The following GLIS3 variants were observed in gnomAD, a reference collection of about 807,000 sequenced individuals.
The protein encoded by GLIS3 is GLIS family zinc finger 3, also known as zinc finger protein GLIS3.
GLIS3 carries 53 observed loss-of-function variants against 78.6 expected under a neutral mutation model. The observed-to-expected ratio is 0.67, with a 90% CI of 0.54 to 0.85. The LOEUF (loss-of-function observed/expected upper bound fraction) is 0.85. Ranked by LOEUF, GLIS3 falls within the 40% of genes least tolerant of loss-of-function variation. The probability of loss-of-function intolerance (pLI) is 0.00; values close to 1 mark genes in which losing one functional copy is unlikely to be tolerated. For synonymous variants in GLIS3, 684 were observed against 509.9 expected, an observed-to-expected ratio of 1.34 and a Z score of -4.60; for missense variants, 1,703 against 1,231.1, an observed-to-expected ratio of 1.38 and a Z score of -5.74.
At chr9:4,255,086 G>A (rs1368208957) in intron 2 of GLIS3, among the ~76,000 whole-genome samples, 2 of 152,134 alleles carry the variant, frequency 1.3e-5, no homozygotes, top group African/African-American at 4.8e-5. Flanking sequence ...CAGATATACA[G>A]ATGTCACATA....
At chr9:4,064,110 G>C (rs1012704621) in intron 4 of GLIS3, among the ~76,000 whole-genome samples, 3 of 151,938 alleles carry the variant, frequency 2.0e-5, no homozygotes, top group Non-Finnish European at 4.4e-5. Flanking sequence ...TTAAAATATA[G>C]TTTATGCTAA....
the GLIS3 span, among the ~76,000 whole-genome samples, chr9:4,392,180 C>A: frequency 1.3e-5 from 2 of 151,220 alleles, no homozygotes; most frequent in African/African-American, 4.9e-5. Context: ...TCTCACTCAT[C>A]GCTGAACGAT....
chr9:3,864,766 A>T (rs1291313273), intron 8 of GLIS3, among the ~76,000 whole-genome samples: 1 of 152,234 alleles, frequency 6.6e-6, no homozygotes, highest in African/African-American at 2.4e-5. Context: ...GAAACAGCAT[A>T]TATTTTAAAA....
At chr9:4,128,059 G>A (rs1832709218) in intron 2 of GLIS3, among the ~76,000 whole-genome samples, 2 of 152,210 alleles carry the variant, frequency 1.3e-5, no homozygotes, top group Admixed American at 1.3e-4. Flanking sequence ...ATGTTGTAAT[G>A]TAAAAACATG....
At chr9:4,254,514 G>C (rs1381704547) in intron 2 of GLIS3, among the ~76,000 whole-genome samples, 1 of 152,158 alleles carries the variant, frequency 6.6e-6, no homozygotes, top group African/African-American at 2.4e-5. Context: ...TATCTGGAAG[G>C]GTTAGAAGAG....
chr9:3,985,232 T>A (rs1212144194), intron 4 of GLIS3, among the ~76,000 whole-genome samples: 2 of 152,152 alleles, frequency 1.3e-5, no homozygotes, highest in South Asian at 4.1e-4. Context: ...AACCTCCATC[T>A]CCAAGTCTCA....
upstream of GLIS3, among the ~76,000 whole-genome samples, chr9:4,302,490 T>C (rs1340211728): frequency 6.6e-6 from 1 of 152,246 alleles, no homozygotes; most frequent in Non-Finnish European, 1.5e-5. Context: ...GGGAGGATAT[T>C]ACAGAAAACT....
chr9:4,214,669 A>G (rs1459870421), intron 2 of GLIS3, among the ~76,000 whole-genome samples: 1 of 152,208 alleles, frequency 6.6e-6, no homozygotes, highest in East Asian at 1.9e-4. Context: ...TCCCTGTCAT[A>G]AAGTCTCTAA....
intron 6 of GLIS3, among the ~76,000 whole-genome samples, chr9:3,923,449 C>T (rs1351908003): frequency 2.0e-5 from 3 of 152,004 alleles, no homozygotes; most frequent in Admixed American, 6.6e-5. Context: ...ATCTGGAATC[C>T]GGGTAATAAG....
intron 2 of GLIS3, among the ~76,000 whole-genome samples, chr9:4,129,179 C>T (rs1037699042): frequency 2.0e-5 from 3 of 152,180 alleles, no homozygotes; most frequent in Non-Finnish European, 4.4e-5. Context: ...ACACCTATAC[C>T]TCCAGACTTC....
At chr9:4,226,393 G>A (rs1473034138) in intron 2 of GLIS3, among the ~76,000 whole-genome samples, 3 of 152,042 alleles carry the variant, frequency 2.0e-5, no homozygotes, top group Non-Finnish European at 2.9e-5. Context: ...ATAAATATAT[G>A]TTGAATAAAT....
intron 7 of GLIS3, among the ~76,000 whole-genome samples, chr9:3,897,517 A>T (rs1475131434): frequency 6.6e-6 from 1 of 152,142 alleles, no homozygotes; most frequent in Admixed American, 6.5e-5. Context: ...TCTGTATATG[A>T]ACCTGTACCT....
intron 4 of GLIS3, among the ~76,000 whole-genome samples, chr9:4,041,235 G>T (rs1483858913): frequency 6.6e-6 from 1 of 152,152 alleles, no homozygotes; most frequent in East Asian, 1.9e-4. Context: ...ATCTTTGGTT[G>T]TTAAAACAAG....
At position 4,241,544 on chromosome 9, in the gene GLIS3, G is replaced by A. The variant is rs10974409; in HGVS notation, c.388+44494C>T. 3.8e-3 allele frequency among the ~76,000 whole-genome samples: 576 copies of A among 151,890 alleles called. 3 individuals are homozygous for A. Among genetic ancestry groups the A allele is most frequent in the Non-Finnish European group, 6.4e-3 (433 of 67,972 alleles). On this transcript the variant is annotated intron_variant, in intron 2 of 10. Coordinates refer to ENST00000381971, the MANE Select transcript of GLIS3 (RefSeq NM_001042413.2). ...AACTACCCCAAAACTATAAAGATTC[G>A]ATCTTTATAAATTATATAAATGTAT...
At chr9:4,052,218 A>G (rs1825795093) in intron 4 of GLIS3, among the ~76,000 whole-genome samples, 3 of 152,230 alleles carry the variant, frequency 2.0e-5, no homozygotes, top group African/African-American at 7.2e-5. Flanking sequence ...TGAAATAAAG[A>G]ACTAAGACAG....
intron 9 of GLIS3, among the ~76,000 whole-genome samples, chr9:3,833,292 A>G (rs146947109): frequency 1.8e-4 from 27 of 152,318 alleles, no homozygotes; most frequent in African/African-American, 6.0e-4. Context: ...GATGCCAAAT[A>G]CACTGGTGTG....
chr9:3,878,852 G>A (rs1821509611), intron 8 of GLIS3: 1 of 158,004 alleles, frequency 6.3e-6, no homozygotes, highest in Admixed American at 5.9e-5. Flanking sequence ...ATTTTGGTTT[G>A]TGGTACACAG....
chr9:3,996,241 T>G (rs545883911), intron 4 of GLIS3, among the ~76,000 whole-genome samples: 1 of 152,278 alleles, frequency 6.6e-6, no homozygotes, highest in African/African-American at 2.4e-5. Flanking sequence ...CTAAAGGAAC[T>G]TCTAAAAGAT....
chr9:4,260,248 T>A (rs1177551376), intron 2 of GLIS3, among the ~76,000 whole-genome samples: 1 of 152,090 alleles, frequency 6.6e-6, no homozygotes, highest in Non-Finnish European at 1.5e-5. Context: ...CTGCCCAACA[T>A]GGTGAAACCC....
Sources: gnomAD v4.1 joint callset for allele counts (sites outside exome capture counted in the v4.1 genomes callset) on GRCh38, gnomAD v4.1.1 for gene constraint, MANE v1.5 for transcripts, NCBI Gene and HGNC (gene_info 2026-07-23, HGNC 2026-07-21) for gene names.